TOX3: variants seen among roughly 807,000 people sequenced by gnomAD.
The protein encoded by TOX3 is TOX high mobility group box family member 3.
TOX3 carries 22 observed loss-of-function variants against 64.3 expected under a neutral mutation model. That is an observed-to-expected ratio of 0.34 (90% CI 0.24 to 0.49). The LOEUF (loss-of-function observed/expected upper bound fraction) is 0.49. Ranked by LOEUF, TOX3 falls within the 20% of genes least tolerant of loss-of-function variation. TOX3 has a pLI of 0.99. For synonymous variants in TOX3, 291 were observed against 273.6 expected, an observed-to-expected ratio of 1.06 and a Z score of -0.63; for missense variants, 661 against 714.4, an observed-to-expected ratio of 0.93 and a Z score of 0.85.
At chr16:52,461,284 G>A (rs534499540) in intron 3 of TOX3, among the ~76,000 whole-genome samples, 9 of 152,152 alleles carry the variant, frequency 5.9e-5, no homozygotes, top group South Asian at 2.1e-4. Flanking sequence ...ACGTATTCAC[G>A]ACAAGCAAAT....
chr16:52,465,204 C>A (rs1267746861), intron 2 of TOX3, among the ~76,000 whole-genome samples: 1 of 151,152 alleles, frequency 6.6e-6, no homozygotes, highest in Non-Finnish European at 1.5e-5. Context: ...TTAGTAGAGA[C>A]GGGGTTTCAC....
intron 1 of TOX3, among the ~76,000 whole-genome samples, chr16:52,480,828 A>G (rs1032078223): frequency 6.6e-6 from 1 of 152,230 alleles, no homozygotes; most frequent in Non-Finnish European, 1.5e-5. Context: ...ACAGATGCAG[A>G]TAAAGCCATA....
At chr16:52,442,149 C>T (rs1960011943) in intron 6 of TOX3, among the ~76,000 whole-genome samples, 1 of 152,204 alleles carries the variant, frequency 6.6e-6, no homozygotes, top group Admixed American at 6.5e-5. Flanking sequence ...GCACAGAGTT[C>T]TTCCTTGCCT....
chr16:52,438,824 G>T lies in TOX3; in HGVS notation c.*401C>A. 2.3e-6 allele frequency: 1 copy of T among 431,364 alleles called. No homozygotes were observed. Among genetic ancestry groups the T allele is most frequent in the Non-Finnish European group, 4.5e-6 (1 of 222,500 alleles). The allele number at this position is 431,364 out of a possible 1,614,324, so 26.7% of individuals were successfully genotyped here. On this transcript the variant is annotated 3_prime_UTR_variant, in exon 7 of 7. Coordinates refer to ENST00000219746, the MANE Select transcript of TOX3 (RefSeq NM_001080430.4). ...TGTGCTTTTTATTTTTAGGGCTTCA[G>T]GAGTTCAGATAGCCTGGAAGTGTGG... is the stretch of plus-strand genomic sequence containing the variant.
rs926552801 is a variant in TOX3 at position 52,519,427 on chromosome 16, G to A, written c.87+27210C>T. ...TTACTTTCAGATAGGTAGTTATCAG[G>A]TAATGAAGTCTCTCCTCAATGCGCC... On this transcript the variant is annotated intron_variant, in intron 1 of 6. Coordinates refer to ENST00000219746, the MANE Select transcript of TOX3 (RefSeq NM_001080430.4). 8.4e-6 allele frequency: 13 copies of A among 1,551,382 alleles called. 1 individual carries two copies. In the African/African-American group the frequency reaches 1.6e-4, roughly 20 times the overall value.
rs114892007 is a variant in TOX3 at position 52,449,305 on chromosome 16, C to T, written c.678+972G>A. The stretch of plus-strand genomic sequence containing the variant: ...TTCTTCAACTTCTATTTCTCTCTTC[C>T]CCCATATCGAACTTCACTATACCCA... On this transcript the variant is annotated intron_variant, in intron 4 of 6. Coordinates refer to ENST00000219746, the MANE Select transcript of TOX3 (RefSeq NM_001080430.4). 2.2e-3 allele frequency among the ~76,000 whole-genome samples: 336 copies of T among 152,264 alleles called. 2 individuals are homozygous for T. The highest frequency in any genetic ancestry group is 7.4e-3 in the African/African-American group (306 of 41,540).
At chr16:52,514,512 T>C (rs879623012) in intron 1 of TOX3, among the ~76,000 whole-genome samples, 12 of 152,200 alleles carry the variant, frequency 7.9e-5, no homozygotes, top group Non-Finnish European at 1.8e-4. Context: ...TTGTTTTCTC[T>C]GTATGGCTGT....
chr16:52,487,328 A>G (rs1961559937), intron 1 of TOX3, among the ~76,000 whole-genome samples: 1 of 152,060 alleles, frequency 6.6e-6, no homozygotes, highest in Non-Finnish European at 1.5e-5. Flanking sequence ...GAAAGAGAAA[A>G]AGAAAAAGAC....
chr16:52,529,944 G>A (rs1277544897), intron 1 of TOX3, among the ~76,000 whole-genome samples: 4 of 152,232 alleles, frequency 2.6e-5, no homozygotes, highest in Admixed American at 6.5e-5. Flanking sequence ...GCCTGTGAAG[G>A]CAACTGTGAA....
chr16:52,474,049 A>G (rs1961133918), intron 1 of TOX3, among the ~76,000 whole-genome samples: 1 of 152,184 alleles, frequency 6.6e-6, no homozygotes, highest in Non-Finnish European at 1.5e-5. Context: ...AGCCCTTCCA[A>G]TTGGATGTCA....
Position 52,438,243 on chromosome 16 carries a change from T to C in TOX3, c.*982A>G, listed in dbSNP as rs1383535173. On this transcript the variant is annotated 3_prime_UTR_variant, in exon 7 of 7. Transcript: ENST00000219746. ...ATGAATGGTTTATGTCACCAGTGTT[T>C]ACGTTAAAGCCTCATTTAGGAAAAC... The C allele has an allele frequency of 6.6e-6, 1 of 152,668 alleles. No individual in the cohort carries two copies. The highest frequency in any genetic ancestry group is 1.5e-5 in the Non-Finnish European group (1 of 68,042). 9.5% of individuals were successfully genotyped at this position (152,668 alleles called of 1,614,324 possible).
chr16:52,456,659 A>G (rs1020931862), intron 3 of TOX3, among the ~76,000 whole-genome samples: 2 of 152,230 alleles, frequency 1.3e-5, no homozygotes, highest in African/African-American at 4.8e-5. Flanking sequence ...CCAGTCTATT[A>G]TTGAACATTA....
intron 1 of TOX3, among the ~76,000 whole-genome samples, chr16:52,480,793 G>A (rs748420958): frequency 6.6e-6 from 1 of 152,142 alleles, no homozygotes. Context: ...TCATGTTCAG[G>A]TGCCAAAAAC....
intron 1 of TOX3, among the ~76,000 whole-genome samples, chr16:52,543,716 T>A (rs191495347): frequency 6.6e-6 from 1 of 152,228 alleles, no homozygotes; most frequent in African/African-American, 2.4e-5. Flanking sequence ...TAACTGATTT[T>A]AATGATCCTG....
At chr16:52,456,405 T>C (rs974845807) in intron 3 of TOX3, among the ~76,000 whole-genome samples, 2 of 152,334 alleles carry the variant, frequency 1.3e-5, no homozygotes, top group East Asian at 1.9e-4. Context: ...ATGGATCTCA[T>C]AAAATGCTCT....
At position 52,470,650 on chromosome 16, in the gene TOX3, A is replaced by G. The variant is rs1448698954; in HGVS notation, c.88-2076T>C. Reference sequence around the variant, plus strand: ...AGCTAATCAGCTGTGAATTGTATCCATTAATTAGTATTTGCCCTGGAGAAA... The same window carrying G: ...AGCTAATCAGCTGTGAATTGTATCCGTTAATTAGTATTTGCCCTGGAGAAA... On this transcript the variant is annotated intron_variant, in intron 1 of 6. Transcript: ENST00000219746. Among the ~76,000 whole-genome samples the G allele has an allele frequency of 2.6e-5, 4 of 152,216 alleles. No homozygotes were observed. The South Asian group carries it at 8.3e-4, about 31-fold the overall frequency.
chr16:52,470,247 T>C (rs1027840239), intron 1 of TOX3, among the ~76,000 whole-genome samples: 16 of 152,226 alleles, frequency 1.1e-4, no homozygotes, highest in African/African-American at 3.6e-4. Flanking sequence ...AGAGTTAAAA[T>C]CTCAGGTCTC....
In TOX3 at chr16:52,464,180, G is replaced by A; in HGVS notation, c.162C>T (p.Phe54=). 1 of 1,525,760 alleles carries A rather than the reference G, an allele frequency of 6.6e-7. No individual in the cohort carries two copies. 94.5% of individuals were successfully genotyped at this position (1,525,760 alleles called of 1,614,324 possible). ...CCTCGTCCCCAAGGCTTGGTGTGTG[G>A]AATGTCTGCTAAAAGGAAACAAAAT... ...NAFFAASEQT[F]HTPSLGDEEF... is the part of the protein sequence containing the mutation. Residue 54 remains phenylalanine (F), a synonymous_variant, in exon 3 of 7, where the codon TTC becomes TTT. Coordinates refer to ENST00000219746, the MANE Select transcript of TOX3 (RefSeq NM_001080430.4).
chr16:52,504,128 T>C (rs17271951), intron 1 of TOX3, among the ~76,000 whole-genome samples: 30,861 of 152,074 alleles, frequency 0.2, 3,727 homozygotes, highest in Middle Eastern at 0.29. Context: ...ACAATTTCTG[T>C]GTTGGGAGAG....
Sources: allele counts gnomAD v4.1 joint callset (sites outside exome capture counted in the v4.1 genomes callset), GRCh38; gene constraint gnomAD v4.1.1; transcripts MANE v1.5; gene names NCBI Gene and HGNC (gene_info 2026-07-23, HGNC 2026-07-21).